Variants in CTXND1 observed in about 807,000 individuals in gnomAD.
The protein encoded by CTXND1 is cortexin domain-containing 1 protein.
At chr15:80,209,043 T>C (rs1197259018) in intron 1 of CTXND1, among the ~76,000 whole-genome samples, 2 of 152,134 alleles carry the variant, frequency 1.3e-5, no homozygotes, top group African/African-American at 4.8e-5. Flanking sequence ...GATAACTTCA[T>C]ACAGATTGCA....
At chr15:80,231,144 A>G (rs75253360) in intron 1 of CTXND1, among the ~76,000 whole-genome samples, 11,756 of 151,264 alleles carry the variant, frequency 0.078, 541 homozygotes, top group Middle Eastern at 0.13. Context: ...TGTTATTGCT[A>G]TCTAGCTTAA....
Position 80,195,628 on chromosome 15 carries a change from A to G in CTXND1, c.*6142T>C, listed in dbSNP as rs1219227254. 6.6e-6 allele frequency: 1 copy of G among 152,208 alleles called. No individual in the cohort carries two copies. The highest frequency in any genetic ancestry group is 1.5e-5 in the Non-Finnish European group (1 of 68,046). 9.4% of individuals were successfully genotyped at this position (152,208 alleles called of 1,614,324 possible). A position where few individuals can be genotyped will look rare whatever the true frequency, so the allele number is the denominator to read the frequency against. On this transcript the variant is annotated 3_prime_UTR_variant, in exon 3 of 3. Transcript: ENST00000560778. ...CATGGGCAAGAGAGAAAAGAGGACC[A>G]AACACCCCCTTCATAACAAACCCAC... is the stretch of plus-strand genomic sequence containing the variant.
chr15:80,250,871 C>T (rs1264713055), intron 1 of CTXND1, among the ~76,000 whole-genome samples: 1 of 152,150 alleles, frequency 6.6e-6, no homozygotes, highest in Non-Finnish European at 1.5e-5. Context: ...ATTACAATTC[C>T]TCTCAAGATG....
chr15:80,201,990 G>A lies in CTXND1; in HGVS notation c.-41C>T. 2.5e-6 allele frequency: 1 copy of A among 399,120 alleles called. No homozygotes were observed. 24.7% of individuals were successfully genotyped at this position (399,120 alleles called of 1,614,324 possible). ...GCGGGCTGCTCCTCCTCCGCCTCGG[G>A]TTTGACTGGTACCATTTTCCACCCC... On this transcript the variant is annotated 5_prime_UTR_variant, in exon 3 of 3. Coordinates refer to ENST00000560778, the MANE Select transcript of CTXND1 (RefSeq NM_001352888.2).
rs960005336 is a variant in CTXND1 at position 80,196,476 on chromosome 15, G to A, written c.*5294C>T. Reference sequence around the variant, plus strand: ...AGAACAAGACTGCAGTTACCACTCTGGGCCTCATGACCAGCCACAGAAGGG... The same window carrying A: ...AGAACAAGACTGCAGTTACCACTCTAGGCCTCATGACCAGCCACAGAAGGG... On this transcript the variant is annotated 3_prime_UTR_variant, in exon 3 of 3. Transcript: ENST00000560778. 2 of 152,160 alleles carry A rather than the reference G, an allele frequency of 1.3e-5. No individual in the cohort carries two copies. The highest frequency in any genetic ancestry group is 4.8e-5 in the African/African-American group (2 of 41,428). The allele number at this position is 152,160 out of a possible 1,614,324, so 9.4% of individuals were successfully genotyped here.
At chr15:80,245,492 G>A (rs1017364185) in intron 1 of CTXND1, among the ~76,000 whole-genome samples, 7 of 152,080 alleles carry the variant, frequency 4.6e-5, no homozygotes, top group Non-Finnish European at 8.8e-5. Context: ...CTGATATGGC[G>A]GCCCAAGGCT....
chr15:80,209,309 C>T (rs1893181022), intron 1 of CTXND1, among the ~76,000 whole-genome samples: 1 of 152,250 alleles, frequency 6.6e-6, no homozygotes, highest in Non-Finnish European at 1.5e-5. Context: ...AGCAAGGACA[C>T]ATATCCAGGA....
intron 1 of CTXND1, among the ~76,000 whole-genome samples, chr15:80,217,358 A>G (rs2142128098): frequency 6.6e-6 from 1 of 152,274 alleles, no homozygotes; most frequent in East Asian, 1.9e-4. Context: ...ATACACTGTC[A>G]GATTCAAATG....
chr15:80,239,567 T>G (rs1893541338), intron 1 of CTXND1, among the ~76,000 whole-genome samples: 1 of 152,246 alleles, frequency 6.6e-6, no homozygotes, highest in East Asian at 1.9e-4. Context: ...AACATCTGAC[T>G]CCATGTTCTT....
At chr15:80,216,572 G>C (rs1208734197) in intron 1 of CTXND1, among the ~76,000 whole-genome samples, 2 of 152,014 alleles carry the variant, frequency 1.3e-5, no homozygotes, top group Non-Finnish European at 2.9e-5. Flanking sequence ...CAGAAGTGAT[G>C]ACGCTGGAGA....
rs1893322556 is a variant in CTXND1, at chr15:80,221,803, C to G, written c.-217-18063G>C. Among the ~76,000 whole-genome samples the G allele has an allele frequency of 5.9e-5, 9 of 152,200 alleles. No homozygotes were observed. The South Asian group carries it at 1.9e-3, about 32-fold the overall frequency. On this transcript the variant is annotated intron_variant, in intron 1 of 2. Coordinates refer to ENST00000560778, the MANE Select transcript of CTXND1 (RefSeq NM_001352888.2). ...GCTGCATGCCATAGATTTTGGAAAC[C>G]ATTGCTCTAACTGCTATTCATTTCT...
chr15:80,235,864 G>A (rs1893489223), intron 1 of CTXND1, among the ~76,000 whole-genome samples: 1 of 151,382 alleles, frequency 6.6e-6, no homozygotes, highest in South Asian at 2.1e-4. Context: ...GCAAAATGGG[G>A]ATACTAAATA....
At position 80,195,814 on chromosome 15, in the gene CTXND1, A is replaced by C. The variant is rs2142117036; in HGVS notation, c.*5956T>G. On this transcript the variant is annotated 3_prime_UTR_variant, in exon 3 of 3. Coordinates refer to ENST00000560778, the MANE Select transcript of CTXND1 (RefSeq NM_001352888.2). ...CAGCATATTCATCTCAGCATATCCC[A>C]CAAACATGGCCTTTAACCAAGAAAC... 6.6e-6 allele frequency: 1 copy of C among 152,326 alleles called. No homozygotes were observed. The highest frequency in any genetic ancestry group is 6.5e-5 in the Admixed American group (1 of 15,296). 9.4% of individuals were successfully genotyped at this position (152,326 alleles called of 1,614,324 possible).
chr15:80,248,558 C>A (rs763856717), intron 1 of CTXND1, among the ~76,000 whole-genome samples: 1 of 152,182 alleles, frequency 6.6e-6, no homozygotes, highest in African/African-American at 2.4e-5. Flanking sequence ...GATTCTGAGG[C>A]CTCGTTCTGG....
intron 2 of CTXND1, among the ~76,000 whole-genome samples, chr15:80,203,164 G>A (rs186511028): frequency 2.6e-5 from 4 of 152,286 alleles, no homozygotes; most frequent in Non-Finnish European, 4.4e-5. Flanking sequence ...GACAGCTTTA[G>A]GAGGAGGGCC....
chr15:80,198,567 T>C lies in CTXND1; in HGVS notation c.*3203A>G, dbSNP rs913898603. 1 of 152,234 alleles carries C rather than the reference T, an allele frequency of 6.6e-6. No individual in the cohort carries two copies. Among genetic ancestry groups the C allele is most frequent in the African/African-American group, 2.4e-5 (1 of 41,464 alleles). 9.4% of individuals were successfully genotyped at this position (152,234 alleles called of 1,614,324 possible). On this transcript the variant is annotated 3_prime_UTR_variant, in exon 3 of 3. Coordinates refer to ENST00000560778, the MANE Select transcript of CTXND1 (RefSeq NM_001352888.2). Reference sequence around the variant, plus strand: ...TCACAAAGGACCATCTCCTCTATGCTTCAGCAGCATAATGCAACAACTGAA... The same window carrying C: ...TCACAAAGGACCATCTCCTCTATGCCTCAGCAGCATAATGCAACAACTGAA...
intron 1 of CTXND1, among the ~76,000 whole-genome samples, chr15:80,249,224 C>T (rs1893667154): frequency 6.6e-6 from 1 of 152,160 alleles, no homozygotes; most frequent in Admixed American, 6.6e-5. Context: ...AAGTGCTGAG[C>T]CACTGTGCCC....
chr15:80,222,122 C>T (rs888056134), intron 1 of CTXND1, among the ~76,000 whole-genome samples: 1 of 152,058 alleles, frequency 6.6e-6, no homozygotes, highest in Non-Finnish European at 1.5e-5. Context: ...ATTCATTATG[C>T]TATTAGAATC....
intron 1 of CTXND1, among the ~76,000 whole-genome samples, chr15:80,251,073 G>A (rs1031676058): frequency 1.3e-5 from 2 of 152,182 alleles, no homozygotes; most frequent in Non-Finnish European, 2.9e-5. Flanking sequence ...GCACGAGTGG[G>A]TTAGAATGGA....
Sources: allele counts gnomAD v4.1 joint callset (sites outside exome capture counted in the v4.1 genomes callset), GRCh38; gene constraint gnomAD v4.1.1; transcripts MANE v1.5; gene names NCBI Gene and HGNC (gene_info 2026-07-23, HGNC 2026-07-21).